NBDY: variants seen among roughly 807,000 people sequenced by gnomAD.
NBDY encodes P-body dissociating protein.
chrX:56,745,220 G>A (rs946438614), intron 2 of NBDY, among the ~76,000 whole-genome samples: 4 of 111,103 alleles, frequency 3.6e-5, no homozygotes, highest in African/African-American at 9.8e-5. Flanking sequence ...GAGCAAACAT[G>A]AGATTTCATC....
chrX:56,755,662 G>C (rs1352832908), intron 2 of NBDY, among the ~76,000 whole-genome samples: 4 of 106,946 alleles, frequency 3.7e-5, no homozygotes, highest in African/African-American at 1.5e-4. Context: ...AGAGGATGTG[G>C]AGAAATAGGA....
At chrX:56,764,605 G>C (rs1470296487) in intron 2 of NBDY, among the ~76,000 whole-genome samples, 1 of 106,749 alleles carries the variant, frequency 9.4e-6, no homozygotes, top group Admixed American at 1.0e-4. Context: ...ACTTCCACTA[G>C]ATGGCAATGT....
At chrX:56,808,888 T>C (rs773422078) in intron 2 of NBDY, among the ~76,000 whole-genome samples, 2 of 113,006 alleles carry the variant, frequency 1.8e-5, no homozygotes, top group East Asian at 2.8e-4. Flanking sequence ...CTTTCTCTTG[T>C]GGGCATTTAG....
chrX:56,790,081 T>C (rs960078900), intron 2 of NBDY, among the ~76,000 whole-genome samples: 1 of 111,305 alleles, frequency 9.0e-6, no homozygotes, highest in Non-Finnish European at 1.9e-5. Context: ...GAGGACAAAT[T>C]ATGCTGCCCC....
chrX:56,753,001 C>T (rs187567051), intron 2 of NBDY, among the ~76,000 whole-genome samples: 1 of 112,533 alleles, frequency 8.9e-6, no homozygotes, highest in East Asian at 2.8e-4. Context: ...AATGTGTTAT[C>T]TACTTGAAGG....
At chrX:56,739,270 A>ATG (rs58566484) in intron 2 of NBDY, among the ~76,000 whole-genome samples, 2 of 74,955 alleles carry the variant, frequency 2.7e-5, no homozygotes, top group African/African-American at 1.2e-4. Flanking sequence ...ATATGTATGT[A>ATG]TATATATATA....
At chrX:56,786,007 C>A (rs1009843866) in intron 2 of NBDY, among the ~76,000 whole-genome samples, 15 of 111,670 alleles carry the variant, frequency 1.3e-4, no homozygotes, top group African/African-American at 4.6e-4. Flanking sequence ...CTCTAGCTGA[C>A]CCCGTGAGGA....
rs1257725500 is a variant in NBDY, at chrX:56,818,099, AG to A, written c.*947del. 1 of 111,846 alleles carries A rather than the reference AG, an allele frequency of 8.9e-6. No individual in the cohort carries two copies. The highest frequency in any genetic ancestry group is 1.9e-5 in the Non-Finnish European group (1 of 53,127). The allele number at this position is 111,846 out of a possible 1,213,427, so 9.2% of individuals were successfully genotyped here. A position where few individuals can be genotyped will look rare whatever the true frequency, so the allele number is the denominator to read the frequency against. Reference sequence around the variant, plus strand: ...TACAAGGTTATAGAAAAAAATTTATAGACTATAATAATTTCCAGGGATATAA... The same window carrying A: ...TACAAGGTTATAGAAAAAAATTTATAACTATAATAATTTCCAGGGATATAA... On this transcript the variant is annotated 3_prime_UTR_variant, in exon 3 of 3. Coordinates refer to ENST00000374922, the MANE Select transcript of NBDY (RefSeq NM_001348129.2).
chrX:56,740,247 T>G (rs762167369), intron 2 of NBDY, among the ~76,000 whole-genome samples: 1 of 111,916 alleles, frequency 8.9e-6, no homozygotes, highest in Admixed American at 9.5e-5. Flanking sequence ...TGTTATCTTT[T>G]ATGGAGACAG....
At chrX:56,787,309 C>T (rs747147839) in intron 2 of NBDY, among the ~76,000 whole-genome samples, 19 of 110,540 alleles carry the variant, frequency 1.7e-4, no homozygotes, top group East Asian at 2.9e-4. Context: ...AGCAGACACA[C>T]GCACACACAC....
intron 1 of NBDY, among the ~76,000 whole-genome samples, chrX:56,731,327 G>T (rs1373337155): frequency 9.3e-6 from 1 of 107,175 alleles, no homozygotes; most frequent in Admixed American, 1.0e-4. Context: ...GTGCCGCTGA[G>T]GTGGGCAGAT....
Position 56,818,007 on chromosome X carries a change from A to C in NBDY, c.*854A>C, listed in dbSNP as rs1021791832. Reference sequence around the variant, plus strand: ...ATAAATATTATGGTGAAAAAATACAAGTAAAATGGGAAAACATTAGATAGC... The same window carrying C: ...ATAAATATTATGGTGAAAAAATACACGTAAAATGGGAAAACATTAGATAGC... On this transcript the variant is annotated 3_prime_UTR_variant, in exon 3 of 3. Transcript: ENST00000374922. 8.0e-5 allele frequency: 9 copies of C among 111,889 alleles called. No homozygotes were observed. The East Asian group carries it at 1.4e-3, about 17-fold the overall frequency. The allele number at this position is 111,889 out of a possible 1,213,427, so 9.2% of individuals were successfully genotyped here. A position where few individuals can be genotyped will look rare whatever the true frequency, so the allele number is the denominator to read the frequency against.
At chrX:56,782,960 GACACACACACAGATACACACAGACAC>G (rs1204256609) in intron 2 of NBDY, among the ~76,000 whole-genome samples, 4 of 111,918 alleles carry the variant, frequency 3.6e-5, no homozygotes, top group Non-Finnish European at 7.5e-5. Context: ...CGCCTAAGCG[GACACACACACAGATACACACAGACAC>G]ACACACACAC....
At chrX:56,784,680 C>T (rs1002859551) in intron 2 of NBDY, among the ~76,000 whole-genome samples, 4 of 111,216 alleles carry the variant, frequency 3.6e-5, no homozygotes, top group African/African-American at 1.3e-4. Context: ...GGTGGTAGGG[C>T]AACTGTGCCT....
intron 2 of NBDY, among the ~76,000 whole-genome samples, chrX:56,781,605 T>C (rs1225510526): frequency 8.9e-6 from 1 of 112,335 alleles, no homozygotes; most frequent in African/African-American, 3.2e-5. Context: ...TGTGTACTTT[T>C]GGAGTTTTCC....
rs2069922305 is a variant in NBDY, at chrX:56,818,898, G to A, written c.*1745G>A. 9.3e-6 allele frequency: 1 copy of A among 107,714 alleles called. No homozygotes were observed. Among genetic ancestry groups the A allele is most frequent in the Non-Finnish European group, 1.9e-5 (1 of 52,293 alleles). The allele number at this position is 107,714 out of a possible 1,213,427, so 8.9% of individuals were successfully genotyped here. A position where few individuals can be genotyped will look rare whatever the true frequency, so the allele number is the denominator to read the frequency against. On this transcript the variant is annotated 3_prime_UTR_variant, in exon 3 of 3. Transcript: ENST00000374922. ...AAGCCCTCACAAAAGTTAATTTGCA[G>A]CCAATTAACTTCTGAGAAGGAGGCA... is the stretch of plus-strand genomic sequence containing the variant.
chrX:56,750,923 C>T (rs1602652982), intron 2 of NBDY, among the ~76,000 whole-genome samples: 1 of 111,448 alleles, frequency 9.0e-6, no homozygotes, highest in African/African-American at 3.3e-5. Flanking sequence ...TTTAGAATAG[C>T]CTCTAAAATA....
At position 56,817,759 on chromosome X, in the gene NBDY, G is replaced by T. The variant is rs761852182; in HGVS notation, c.*606G>T. 8 of 111,272 alleles carry T rather than the reference G, an allele frequency of 7.2e-5. No homozygotes were observed. Among genetic ancestry groups the T allele is most frequent in the Non-Finnish European group, 1.3e-4 (7 of 52,960 alleles). 9.2% of individuals were successfully genotyped at this position (111,272 alleles called of 1,213,427 possible). On this transcript the variant is annotated 3_prime_UTR_variant, in exon 3 of 3. Coordinates refer to ENST00000374922, the MANE Select transcript of NBDY (RefSeq NM_001348129.2). ...GAAAAATATAAGGAAAGTAGAGGAA[G>T]GTTAAATCCAAAAAAGAATTGTTTC...
intron 2 of NBDY, among the ~76,000 whole-genome samples, chrX:56,754,771 T>G (rs1013006742): frequency 1.8e-5 from 2 of 109,262 alleles, no homozygotes; most frequent in South Asian, 7.8e-4. Context: ...ACTCTACACC[T>G]AGAGGAACAA....
Sources: allele counts gnomAD v4.1 joint callset (sites outside exome capture counted in the v4.1 genomes callset), GRCh38; gene constraint gnomAD v4.1.1; transcripts MANE v1.5; gene names NCBI Gene and HGNC (gene_info 2026-07-23, HGNC 2026-07-21).